The following SCN11A variants were observed in gnomAD, a reference collection of about 807,000 sequenced individuals.
The protein encoded by SCN11A is sodium voltage-gated channel alpha subunit 11.
A neutral mutation model predicts 162.2 loss-of-function variants in SCN11A; 122 were observed. The observed-to-expected ratio is 0.75, with a 90% CI of 0.65 to 0.87. SCN11A has a LOEUF of 0.87. SCN11A is among the 40% of genes least tolerant of loss of function. SCN11A has a pLI of 0.00. For synonymous variants in SCN11A, 758 were observed against 751.5 expected, an observed-to-expected ratio of 1.01 and a Z score of -0.14; for missense variants, 2,015 against 2,181.6, an observed-to-expected ratio of 0.92 and a Z score of 1.52.
chr3:39,037,419 C>A (rs1206813923), intron 1 of SCN11A, among the ~76,000 whole-genome samples: 2 of 151,954 alleles, frequency 1.3e-5, no homozygotes, highest in Non-Finnish European at 2.9e-5. Context: ...TTTGATAGCA[C>A]AAGAAGGTGA....
chr3:38,989,995 T>C (rs999320751), intron 2 of SCN11A, among the ~76,000 whole-genome samples: 43 of 152,180 alleles, frequency 2.8e-4, no homozygotes, highest in African/African-American at 9.7e-4. Flanking sequence ...ACCTTTCCAA[T>C]AAAAGCATTG....
At chr3:38,915,381 C>T (rs756006866) in intron 11 of SCN11A, among the ~76,000 whole-genome samples, 1 of 152,028 alleles carries the variant, frequency 6.6e-6, no homozygotes, top group African/African-American at 2.4e-5. Context: ...TTCTCTAACT[C>T]TTTCCATTGT....
chr3:38,916,636 C>G (rs1292782473), intron 11 of SCN11A, among the ~76,000 whole-genome samples: 1 of 152,220 alleles, frequency 6.6e-6, no homozygotes, highest in Non-Finnish European at 1.5e-5. Flanking sequence ...CCTTCCTGCT[C>G]TCTTGCCTGT....
chr3:38,886,404 T>C (rs2065402220), intron 19 of SCN11A, among the ~76,000 whole-genome samples, 166 bp from the exon 20 acceptor site: 1 of 152,204 alleles, frequency 6.6e-6, no homozygotes, highest in African/African-American at 2.4e-5. Flanking sequence ...CTCAACATAA[T>C]ATAATTCTGG....
At chr3:38,926,609 ATGGCTT>A (rs2066145040) in intron 8 of SCN11A, among the ~76,000 whole-genome samples, 188 bp downstream of exon 8, 1 of 152,046 alleles carries the variant, frequency 6.6e-6, no homozygotes, top group African/African-American at 2.4e-5. Flanking sequence ...TGACCTAGAA[ATGGCTT>A]TGTGTGTGGG....
intron 2 of SCN11A, among the ~76,000 whole-genome samples, chr3:39,029,200 T>C (rs953899491): frequency 2.6e-5 from 4 of 152,186 alleles, no homozygotes; most frequent in African/African-American, 9.6e-5. Flanking sequence ...ACCCTCCCAA[T>C]CTAAGTGTAA....
chr3:38,965,085 G>A (rs772488017), intron 2 of SCN11A, among the ~76,000 whole-genome samples: 3 of 152,200 alleles, frequency 2.0e-5, no homozygotes, highest in Non-Finnish European at 1.5e-5. Context: ...ATTCTTCAGA[G>A]ACAGCTCTGA....
In SCN11A at chr3:38,846,855, T is replaced by C. The variant is rs759827115; in HGVS notation, c.5215A>G (p.Ile1739Val). ...TACTTTCGAAAGGCCTTTTGAATAA[T>C]AGCAGCACCTCTTTCCTCTTCCTTT... is the stretch of plus-strand genomic sequence containing the variant. The part of the protein sequence containing the change: ...KRKEEERGAA[I>V]IQKAFRKYMM... Residue 1739 changes from isoleucine (I) to valine (V), a missense_variant, in exon 30 of 30, where the codon ATT becomes GTT. Transcript: ENST00000302328. 100 of 1,613,998 alleles carry C rather than the reference T, an allele frequency of 6.2e-5. No individual in the cohort carries two copies. The highest frequency in any genetic ancestry group is 1.6e-4 in the Middle Eastern group (1 of 6,084).
chr3:38,940,012 T>TTA (rs986566316), intron 7 of SCN11A, among the ~76,000 whole-genome samples: 7 of 150,044 alleles, frequency 4.7e-5, no homozygotes, highest in South Asian at 2.1e-4. Flanking sequence ...GCACACAATT[T>TTA]TATATATATA....
intron 7 of SCN11A, among the ~76,000 whole-genome samples, chr3:38,942,887 G>A (rs952801193): frequency 1.3e-5 from 2 of 152,180 alleles, no homozygotes; most frequent in African/African-American, 4.8e-5. Flanking sequence ...GTAAAATTAT[G>A]CTGTCAATTT....
intron 7 of SCN11A, among the ~76,000 whole-genome samples, chr3:38,929,131 G>GCGCGCGCACACACACA (rs774058202): frequency 2.7e-5 from 1 of 36,992 alleles, no homozygotes. Context: ...CTGGGTCTGT[G>GCGCGCGCACACACACA]CACGCACACA....
chr3:38,995,347 CCT>C (rs1442240764), intron 2 of SCN11A, among the ~76,000 whole-genome samples: 1 of 152,088 alleles, frequency 6.6e-6, no homozygotes, highest in Non-Finnish European at 1.5e-5. Context: ...GTCTCCATCC[CCT>C]GACCTTGTGA....
rs2065112571 is a variant in SCN11A, at chr3:38,870,736, A to C, written c.3768T>G (p.Phe1256Leu). Residue 1256 changes from phenylalanine (F) to leucine (L), a missense_variant, in exon 26 of 30, where the codon TTT becomes TTG. Coordinates refer to ENST00000302328, the MANE Select transcript of SCN11A (RefSeq NM_001349253.2). ...CATATATAATATCCATCCAGCCCTT[A>C]AATGTTGCCTGCAACAAAAGCAGAA... The part of the protein sequence containing the change: ...AYLALLQVAT[F>L]KGWMDIIYAA... The C allele has an allele frequency of 2.5e-6, 4 of 1,613,422 alleles. No individual in the cohort carries two copies. Among genetic ancestry groups the C allele is most frequent in the Non-Finnish European group, 3.4e-6 (4 of 1,179,480 alleles).
chr3:38,880,556 T>G (rs541595631), intron 22 of SCN11A, among the ~76,000 whole-genome samples: 14 of 152,270 alleles, frequency 9.2e-5, no homozygotes, highest in Non-Finnish European at 1.9e-4. Context: ...CTTATAACAT[T>G]AAGTCCAAGT....
chr3:38,929,887 A>G (rs1235813662), intron 7 of SCN11A, among the ~76,000 whole-genome samples: 1 of 152,182 alleles, frequency 6.6e-6, no homozygotes, highest in Non-Finnish European at 1.5e-5. Context: ...CTCACCAGAT[A>G]CAGACCCTTT....
At chr3:38,910,696 A>G (rs1023519234) in intron 11 of SCN11A, among the ~76,000 whole-genome samples, 7 of 152,240 alleles carry the variant, frequency 4.6e-5, no homozygotes, top group African/African-American at 1.7e-4. Flanking sequence ...TCATATCACC[A>G]TACAGGGAGA....
chr3:38,993,113 G>T (rs2030504024), intron 2 of SCN11A, among the ~76,000 whole-genome samples: 1 of 152,248 alleles, frequency 6.6e-6, no homozygotes, highest in African/African-American at 2.4e-5. Context: ...CTCTGCCTCA[G>T]ATTACCTGTG....
chr3:38,939,675 G>A (rs190993741), intron 7 of SCN11A, among the ~76,000 whole-genome samples: 52 of 152,124 alleles, frequency 3.4e-4, no homozygotes, highest in East Asian at 1.7e-3. Context: ...AGGCCGAGGC[G>A]GGTGGATCAT....
chr3:39,012,442 CTCTCTTTCTCTCTT>C (rs2031169439), intron 2 of SCN11A, among the ~76,000 whole-genome samples: 9 of 149,890 alleles, frequency 6.0e-5, no homozygotes, highest in African/African-American at 2.0e-4. Context: ...TTCTTTCTCT[CTCTCTTTCTCTCTT>C]TCTTTCTTTC....
Sources: gnomAD v4.1 joint callset for allele counts (sites outside exome capture counted in the v4.1 genomes callset) on GRCh38, gnomAD v4.1.1 for gene constraint, MANE v1.5 for transcripts, NCBI Gene and HGNC (gene_info 2026-07-23, HGNC 2026-07-21) for gene names.